Variants in GLS2 observed in about 807,000 individuals in gnomAD.
GLS2 encodes the protein glutaminase 2.
GLS2 carries 52 observed loss-of-function variants against 79.0 expected under a neutral mutation model. The observed-to-expected ratio is 0.66, with a 90% CI of 0.53 to 0.83. The LOEUF (loss-of-function observed/expected upper bound fraction) is 0.83. Ranked by LOEUF, GLS2 falls within the 40% of genes least tolerant of loss-of-function variation. The pLI is 0.00. For missense variants in GLS2, 561 were observed against 764.8 expected (o/e 0.73, Z 3.14); for synonymous variants, 238 against 280.8 (o/e 0.85, Z 1.52).
In GLS2 at chr12:56,471,825, C is replaced by T. The variant is rs764321206; in HGVS notation, c.1600G>A (p.Val534Ile). The T allele has an allele frequency of 1.2e-6, 2 of 1,614,038 alleles. No homozygotes were observed. The highest frequency in any genetic ancestry group is 3.3e-5 in the Admixed American group (2 of 60,010). The change falls in exon 17 of 18, where the codon GTT becomes ATT. Residue 534 changes from valine to isoleucine, a missense_variant. Physicochemically the swap from Val to Ile is conservative, Grantham distance 29. Around this residue, in one of 4 missense-constraint regions of GLS2, gnomAD observed 136 missense variants for 228.6 expected, o/e 0.59. Coordinates refer to ENST00000311966, the MANE Select transcript of GLS2 (RefSeq NM_013267.4). ...HVAAAEGHIE[V>I]VKFLIEACKV... ...CAAGCCTCGATCAGGAATTTAACAA[C>T]TTCGATGTGTCCTAGGAATATGGGC...
At chr12:56,475,218 A>G (rs761930188) in intron 9 of GLS2, 108 bp from the exon 10 acceptor site, 2 of 1,601,212 alleles carry the variant, frequency 1.2e-6, no homozygotes, top group Non-Finnish European at 1.7e-6. Context: ...CCACAAACTA[A>G]ATGAACCCCT....
At chr12:56,474,099 TC>T (rs68075473) in intron 12 of GLS2, 90,540 of 145,872 alleles carry the variant, frequency 0.62, 28,742 homozygotes, top group East Asian at 0.91. Context: ...TTTCTTTTTT[TC>T]TTTTTTTTTG....
chr12:56,472,378 G>C, intron 15 of GLS2, 183 bp from the exon 16 acceptor site: 1 of 618,316 alleles, frequency 1.6e-6, no homozygotes, highest in Non-Finnish European at 2.8e-6. Context: ...ATATTAGAGA[G>C]ATGGGAATGT....
intron 7 of GLS2, chr12:56,476,256 A>G: frequency 2.5e-6 from 1 of 397,710 alleles, no homozygotes; most frequent in Non-Finnish European, 4.6e-6. Flanking sequence ...TTGACCTCCC[A>G]GGCTCAAGCG....
At chr12:56,479,321 G>T in intron 3 of GLS2, 140 bp from the exon 4 acceptor site, 4 of 1,057,656 alleles carry the variant, frequency 3.8e-6, no homozygotes, top group South Asian at 1.9e-5. Context: ...TGGCAAATCA[G>T]TTTACCTTTC....
At chr12:56,480,465 A>G (rs746996108) in intron 1 of GLS2, 78 bp from the exon 2 acceptor site, 42 of 1,069,668 alleles carry the variant, frequency 3.9e-5, no homozygotes, top group African/African-American at 1.2e-4. Flanking sequence ...ACATGGGCTT[A>G]TAAGTAGGTG....
intron 10 of GLS2, 50 bp downstream of exon 10, chr12:56,474,994 A>C (rs757231980): frequency 6.2e-7 from 1 of 1,613,908 alleles, no homozygotes; most frequent in South Asian, 1.1e-5. Context: ...CTGCCCTTCC[A>C]CTAGCAGCAG....
At chr12:56,476,083 G>C in intron 7 of GLS2, 106 bp from the exon 8 acceptor site, 1 of 1,069,372 alleles carries the variant, frequency 9.4e-7, no homozygotes, top group Non-Finnish European at 1.4e-6. Context: ...TCCTGCTGCT[G>C]CAAATGTGTT....
rs775240232 is a variant in GLS2, at chr12:56,487,951, C to T, written c.168G>A (p.Pro56=). Residue 56 remains proline, a synonymous_variant, in exon 1 of 18, where the codon CCG becomes CCA. Coordinates refer to ENST00000311966, the MANE Select transcript of GLS2 (RefSeq NM_013267.4). ...QGRETPHSHQ[P]QHQDHDSSES... ...AGGAGCCTTACTGATCCTGGTGCTG[C>T]GGCTGGTGGCTGTGTGGCGTCTCTC... 1.9e-6 allele frequency: 3 copies of T among 1,602,942 alleles called. No individual in the cohort carries two copies.
At chr12:56,472,029 C>G in intron 16 of GLS2, 90 bp downstream of exon 16, 5 of 1,439,278 alleles carry the variant, frequency 3.5e-6, no homozygotes, top group Non-Finnish European at 4.9e-6. Context: ...GCCCCTATAA[C>G]CTTGAGGGCA....
chr12:56,480,030 A>T, intron 2 of GLS2, 129 bp from the exon 3 acceptor site: 1 of 1,247,210 alleles, frequency 8.0e-7, no homozygotes, highest in Non-Finnish European at 1.1e-6. Flanking sequence ...ATGGGTTTGG[A>T]GAATAAGAAA....
In GLS2 at chr12:56,471,647, AG is replaced by A; in HGVS notation, c.1653-5del. 1 of 1,613,916 alleles carries A rather than the reference AG, an allele frequency of 6.2e-7. No individual in the cohort carries two copies. Among genetic ancestry groups the A allele is most frequent in the Non-Finnish European group, 8.5e-7 (1 of 1,179,898 alleles). On this transcript the variant is annotated splice_polypyrimidine_tract_variant and splice_region_variant and intron_variant, in intron 17 of 17. Transcript: ENST00000311966. ...ATCCAGGGGAATGTTGCCCCACCTG[AG>A]AGGAATAATGATATGATCAGGCAAA...
At position 56,472,442 on chromosome 12, in the gene GLS2, G is replaced by A. The variant is rs1869367776; in HGVS notation, c.1512-247C>T. 3 of 602,858 alleles carry A rather than the reference G, an allele frequency of 5.0e-6. No individual in the cohort carries two copies. The Admixed American group carries it at 9.0e-5, about 18-fold the overall frequency. The allele number at this position is 602,858 out of a possible 1,614,324, so 37.3% of individuals were successfully genotyped here. A position where few individuals can be genotyped will look rare whatever the true frequency, so the allele number is the denominator to read the frequency against. ...TACCTGTGGTAAGTGCCCATTTGAG[G>A]CAGGGTACCTACTTCCTAGGACACT... On this transcript the variant is annotated intron_variant, in intron 15 of 17. Coordinates refer to ENST00000311966, the MANE Select transcript of GLS2 (RefSeq NM_013267.4).
chr12:56,481,267 G>A lies in GLS2; in HGVS notation c.183-880C>T, dbSNP rs538708298. On this transcript the variant is annotated intron_variant, in intron 1 of 17. Coordinates refer to ENST00000311966, the MANE Select transcript of GLS2 (RefSeq NM_013267.4). ...GTCGCCCAGGCTGGAGCGCAATGGC[G>A]CGATCTCGGCTCACTGCAACCTCCG... Among the ~76,000 whole-genome samples the A allele has an allele frequency of 4.9e-5, 7 of 142,820 alleles. No homozygotes were observed. In the South Asian group the frequency reaches 9.0e-4, roughly 18 times the overall value. The allele number at this position is 142,820 out of a possible 152,430, so 93.7% of individuals were successfully genotyped here. A position where few individuals can be genotyped will look rare whatever the true frequency, so the allele number is the denominator to read the frequency against.
intron 1 of GLS2, among the ~76,000 whole-genome samples, chr12:56,486,385 A>G (rs542141477): frequency 1.6e-4 from 25 of 152,318 alleles, no homozygotes; most frequent in Middle Eastern, 3.4e-3. Context: ...CCTTTGCTGT[A>G]TCCCACCATT....
At chr12:56,487,773 G>A (rs528506628) in intron 1 of GLS2, among the ~76,000 whole-genome samples, 164 bp downstream of exon 1, 3 of 152,392 alleles carry the variant, frequency 2.0e-5, no homozygotes, top group African/African-American at 4.8e-5. Context: ...CCGCCCGAGC[G>A]CGGCGCACCC....
intron 14 of GLS2, chr12:56,473,018 T>C: frequency 1.7e-6 from 1 of 595,136 alleles, no homozygotes; most frequent in East Asian, 3.0e-5. Context: ...GCCTCCCAAG[T>C]AGCTGGGACC....
At chr12:56,485,431 A>ATT (rs1360484028) in intron 1 of GLS2, among the ~76,000 whole-genome samples, 10 of 141,484 alleles carry the variant, frequency 7.1e-5, no homozygotes, top group African/African-American at 2.3e-4. Flanking sequence ...TAATTTCTGT[A>ATT]TTTTTTTTTT....
intron 7 of GLS2, chr12:56,476,776 A>T (rs1869862647): frequency 6.6e-6 from 1 of 151,984 alleles, no homozygotes; most frequent in Non-Finnish European, 1.5e-5. Flanking sequence ...TTGTATTTTT[A>T]GTAGAGACGG....
Sources: allele counts gnomAD v4.1 joint callset (sites outside exome capture counted in the v4.1 genomes callset), GRCh38; gene constraint gnomAD v4.1.1; regional missense constraint gnomAD v4.1.1; transcripts MANE v1.5; gene names NCBI Gene and HGNC (gene_info 2026-07-23, HGNC 2026-07-21).